Variants in IL3RA observed in about 807,000 individuals in gnomAD.
IL3RA encodes interleukin-3 receptor subunit alpha.
IL3RA carries 73 observed loss-of-function variants against 52.3 expected under a neutral mutation model. The ratio of observed to expected loss-of-function variants is 1.40; its 90% CI spans 1.16 to 1.70. IL3RA has a LOEUF of 1.70. Among genes scored for constraint, IL3RA ranks in the 40% most tolerant of loss-of-function variants. The pLI, the probability that IL3RA is intolerant of heterozygous loss-of-function variation, is 0.00. For synonymous variants in IL3RA, 260 were observed against 194.0 expected (o/e 1.34, Z -2.83); for missense variants, 664 against 504.4 (o/e 1.32, Z -3.03).
chrX:1,373,866 C>G lies in IL3RA; in HGVS notation c.875-4793C>G, dbSNP rs776552503. Among the ~76,000 whole-genome samples the G allele has an allele frequency of 1.4e-3, 100 of 74,060 alleles. 38 individuals are homozygous for G. The highest frequency in any genetic ancestry group is 0.012 in the African/African-American group (94 of 7,572). 48.6% of individuals were successfully genotyped at this position (74,060 alleles called of 152,430 possible). ...ACAGGGAGAAGACGGCATCTCCAAG[C>G]CCAGGAGAGAGGCCTCAGGAGGAAC... On this transcript the variant is annotated intron_variant, in intron 9 of 11. Transcript: ENST00000331035.
chrX:1,377,404 C>T (rs1430292475), intron 9 of IL3RA, among the ~76,000 whole-genome samples: 2 of 151,962 alleles, frequency 1.3e-5, no homozygotes, highest in Admixed American at 1.3e-4. Flanking sequence ...CCACACCCGG[C>T]TACTGTTTGT....
At chrX:1,377,034 T>C (rs1372412880) in intron 9 of IL3RA, among the ~76,000 whole-genome samples, 2 of 144,964 alleles carry the variant, frequency 1.4e-5, no homozygotes, top group East Asian at 2.2e-4. Flanking sequence ...CAGCCTGAGA[T>C]GGACTAAGAC....
At chrX:1,348,285 A>T in intron 3 of IL3RA, 146 bp from the exon 4 acceptor site, 1 of 677,140 alleles carries the variant, frequency 1.5e-6, no homozygotes, top group Non-Finnish European at 2.7e-6. Flanking sequence ...CCCGGGAGGG[A>T]GAGGCTGCAG....
intron 4 of IL3RA, among the ~76,000 whole-genome samples, chrX:1,350,830 C>T (rs1381927025): frequency 2.0e-5 from 3 of 151,080 alleles, no homozygotes; most frequent in Non-Finnish European, 4.4e-5. Context: ...ACCTGGGAGG[C>T]GGAGGTTGTG....
rs1347901545 is a variant in IL3RA, at chrX:1,381,426, G to A, written c.1062+322G>A. On this transcript the variant is annotated intron_variant, in intron 11 of 11. Coordinates refer to ENST00000331035, the MANE Select transcript of IL3RA (RefSeq NM_002183.4). ...GGAGGCTGGACACCTGTCTGCTGGCGCTGGTGGGCGGCTGGGAAAAGCTGC... is the reference window on the plus strand; with the variant it reads ...GGAGGCTGGACACCTGTCTGCTGGCACTGGTGGGCGGCTGGGAAAAGCTGC... 1.1e-3 allele frequency among the ~76,000 whole-genome samples: 170 copies of A among 152,244 alleles called. 1 individual carries two copies. The highest frequency in any genetic ancestry group is 1.9e-3 in the Non-Finnish European group (130 of 68,020).
intron 7 of IL3RA, 52 bp from the exon 8 acceptor site, chrX:1,358,809 G>T (rs1175969327): frequency 6.2e-7 from 1 of 1,606,118 alleles, no homozygotes; most frequent in African/African-American, 1.3e-5. Flanking sequence ...GGAGGAGGAG[G>T]CTTTCAGGGA....
chrX:1,356,405 C>A, intron 7 of IL3RA, 69 bp downstream of exon 7: 14 of 929,324 alleles, frequency 1.5e-5, no homozygotes, highest in African/African-American at 3.3e-5. Context: ...AAGTCGCACT[C>A]TGGGGCCTTG....
intron 8 of IL3RA, among the ~76,000 whole-genome samples, chrX:1,362,155 T>C (rs1461597016): frequency 9.1e-6 from 1 of 109,886 alleles, no homozygotes; most frequent in African/African-American, 5.9e-5. Flanking sequence ...TTTTTCTGTT[T>C]TTCTCTTTCC....
rs2086746383 is a variant in IL3RA at position 1,356,676 on chromosome X, G to A, written c.732+340G>A. 2.0e-5 allele frequency among the ~76,000 whole-genome samples: 3 copies of A among 151,902 alleles called. No homozygotes were observed. The South Asian group carries it at 6.2e-4, about 32-fold the overall frequency. On this transcript the variant is annotated intron_variant, in intron 7 of 11. Transcript: ENST00000331035. The stretch of plus-strand genomic sequence containing the variant: ...AGTTCCAGCTACTGGGGAGGCCGAG[G>A]CAGGAGAATTGCTTGAACCCAGGAG...
At position 1,352,856 on chromosome X, in the gene IL3RA, C is replaced by T. The variant is rs1281006688; in HGVS notation, c.616+350C>T. ...TGGGACCCCCCATCATGGGTTCCAT[C>T]ATGGGTCCCATCATGGGTCATAGAA... On this transcript the variant is annotated intron_variant, in intron 6 of 11. Transcript: ENST00000331035. 9.2e-5 allele frequency among the ~76,000 whole-genome samples: 14 copies of T among 151,546 alleles called. No individual in the cohort carries two copies. In the East Asian group the frequency reaches 1.4e-3, roughly 15 times the overall value.
At chrX:1,349,275 G>T (rs186885156) in intron 4 of IL3RA, among the ~76,000 whole-genome samples, 4 of 151,062 alleles carry the variant, frequency 2.6e-5, no homozygotes, top group Non-Finnish European at 4.4e-5. Flanking sequence ...TCTGGCTCCC[G>T]GGTTCAAGCG....
intron 4 of IL3RA, 60 bp from the exon 5 acceptor site, chrX:1,352,040 C>G (rs1189112994): frequency 6.3e-7 from 1 of 1,583,334 alleles, no homozygotes; most frequent in South Asian, 1.2e-5. Flanking sequence ...GCTGGGGTGA[C>G]AGGCGTGAGC....
At chrX:1,347,527 G>A (rs2085803510) in intron 3 of IL3RA, among the ~76,000 whole-genome samples, 1 of 150,686 alleles carries the variant, frequency 6.6e-6, no homozygotes, top group South Asian at 2.1e-4. Flanking sequence ...GGTGAGGCAG[G>A]AGAATTGCTT....
At chrX:1,337,338 C>T (rs17884091) in intron 1 of IL3RA, among the ~76,000 whole-genome samples, 3,374 of 152,252 alleles carry the variant, frequency 0.022, 42 homozygotes, top group Middle Eastern at 0.031. Context: ...CCAGGGCGAG[C>T]TGACTGCCAG....
At chrX:1,339,833 C>T (rs2085421812) in intron 1 of IL3RA, among the ~76,000 whole-genome samples, 1 of 151,914 alleles carries the variant, frequency 6.6e-6, no homozygotes, top group Non-Finnish European at 1.5e-5. Flanking sequence ...CCAGAAAAGA[C>T]AGCTGCCACC....
rs2087283081 is a variant in IL3RA, at chrX:1,361,099, C to T, written c.759+2212C>T. 2.9e-5 allele frequency among the ~76,000 whole-genome samples: 4 copies of T among 137,968 alleles called. No homozygotes were observed. In the East Asian group the frequency reaches 6.4e-4, roughly 22 times the overall value. The allele number at this position is 137,968 out of a possible 152,430, so 90.5% of individuals were successfully genotyped here. ...TCTCTCCCTTCCCCTCTCTGTCTCT[C>T]TCTCCCTTCCCCTCTCTGTCTCTCT... is the stretch of plus-strand genomic sequence containing the variant. On this transcript the variant is annotated intron_variant, in intron 8 of 11. Transcript: ENST00000331035.
chrX:1,381,510 C>G (rs2089176597), intron 11 of IL3RA, among the ~76,000 whole-genome samples: 1 of 151,980 alleles, frequency 6.6e-6, no homozygotes, highest in Non-Finnish European at 1.5e-5. Context: ...CGGGCCGTCT[C>G]CGCACCCTGC....
intron 7 of IL3RA, among the ~76,000 whole-genome samples, chrX:1,357,882 C>G (rs2086858513): frequency 6.7e-6 from 1 of 149,292 alleles, no homozygotes; most frequent in African/African-American, 2.5e-5. Context: ...GCAGGACGAT[C>G]ACGAGGTCAG....
At chrX:1,347,827 A>T (rs2085822018) in intron 3 of IL3RA, among the ~76,000 whole-genome samples, 1 of 149,796 alleles carries the variant, frequency 6.7e-6, no homozygotes, top group South Asian at 2.1e-4. Context: ...TCACGAGGTC[A>T]GGAGATCGAG....
Sources: gnomAD v4.1 joint callset for allele counts (sites outside exome capture counted in the v4.1 genomes callset) on GRCh38, gnomAD v4.1.1 for gene constraint, MANE v1.5 for transcripts, NCBI Gene and HGNC (gene_info 2026-07-23, HGNC 2026-07-21) for gene names.